The following PLA2G4C variants were observed in gnomAD, a reference collection of about 807,000 sequenced individuals.
The protein encoded by PLA2G4C is cytosolic phospholipase A2 gamma.
Under a neutral mutation model 73.8 loss-of-function variants are expected in PLA2G4C, and 64 were observed. The ratio of observed to expected loss-of-function variants is 0.87; its 90% CI spans 0.71 to 1.07. The LOEUF is 1.07. PLA2G4C is among the 50% of genes least tolerant of loss of function. The pLI, the probability that PLA2G4C is intolerant of heterozygous loss-of-function variation, is 0.00. For missense variants in PLA2G4C, 622 were observed against 665.4 expected, an observed-to-expected ratio of 0.93 and a Z score of 0.72; for synonymous variants, 254 against 252.1, an observed-to-expected ratio of 1.01 and a Z score of -0.07.
chr19:48,067,794 G>C lies in PLA2G4C; in HGVS notation c.1099C>G (p.His367Asp). 6.2e-7 allele frequency: 1 copy of C among 1,602,866 alleles called. No individual in the cohort carries two copies. The highest frequency in any genetic ancestry group is 1.1e-5 in the South Asian group (1 of 90,852). Residue 367 changes from histidine to aspartate, a missense_variant, in exon 13 of 17, where the codon CAC (histidine) becomes GAC (aspartate). Physicochemically the swap from His to Asp is moderately conservative, Grantham distance 81. Coordinates refer to ENST00000599921, the MANE Select transcript of PLA2G4C (RefSeq NM_003706.3). ...WGTTHNFLYK[H>D]GGIRDKIMSS... ...GGTGGGAAGAGGGTCTTCTCACCGT[G>C]TTTGTACAGGAAGTTGTGAGTGGTC... is the stretch of plus-strand genomic sequence containing the variant.
intron 5 of PLA2G4C, among the ~76,000 whole-genome samples, chr19:48,099,338 A>G (rs1357155084): frequency 6.6e-6 from 1 of 152,086 alleles, no homozygotes; most frequent in African/African-American, 2.4e-5. Context: ...ATGGAGAGGA[A>G]AGTTGTCTTG....
At chr19:48,061,967 C>A (rs1321207320) in intron 14 of PLA2G4C, 31 bp downstream of exon 14, 2 of 1,611,102 alleles carry the variant, frequency 1.2e-6, no homozygotes, top group Non-Finnish European at 1.7e-6. Flanking sequence ...ACCTCCCACC[C>A]AGGACCGGCC....
At position 48,092,119 on chromosome 19, in the gene PLA2G4C, C is replaced by T. The variant is rs182418055; in HGVS notation, c.710-1702G>A. Among the ~76,000 whole-genome samples the T allele has an allele frequency of 1.8e-4, 27 of 149,512 alleles. 1 individual carries two copies. Among genetic ancestry groups the T allele is most frequent in the Admixed American group, 1.6e-3 (24 of 15,180 alleles). ...GGCTGGAGCGCAATGGCGCGATCTCCGCTCACTGCAGCTTCCGCCTCTCGA... is the reference window on the plus strand; with the variant it reads ...GGCTGGAGCGCAATGGCGCGATCTCTGCTCACTGCAGCTTCCGCCTCTCGA... On this transcript the variant is annotated intron_variant, in intron 7 of 16. Transcript: ENST00000599921.
At chr19:48,079,710 G>A (rs1005123334) in intron 10 of PLA2G4C, among the ~76,000 whole-genome samples, 1 of 152,170 alleles carries the variant, frequency 6.6e-6, no homozygotes, top group Non-Finnish European at 1.5e-5. Flanking sequence ...GATGGCTCAC[G>A]CCTGTAATCC....
rs138971315 is a variant in PLA2G4C, at chr19:48,064,295, G to C, written c.1103-2143C>G. Among the ~76,000 whole-genome samples the C allele has an allele frequency of 7.1e-3, 1,075 of 152,120 alleles. 12 individuals are homozygous for C. The highest frequency in any genetic ancestry group is 0.025 in the African/African-American group (1,029 of 41,494). On this transcript the variant is annotated intron_variant, in intron 13 of 16. Coordinates refer to ENST00000599921, the MANE Select transcript of PLA2G4C (RefSeq NM_003706.3). ...AACACAAAAATTAGCCAGGCGTGGT[G>C]GCACCTGCCTGTAATCTCAGCTACT...
intron 16 of PLA2G4C, chr19:48,052,389 A>G (rs1227616511): frequency 6.6e-6 from 1 of 152,084 alleles, no homozygotes; most frequent in Non-Finnish European, 1.5e-5. Flanking sequence ...AGTTCTCATG[A>G]AATCCGGTTG....
chr19:48,057,995 G>A (rs1265023421), intron 14 of PLA2G4C, among the ~76,000 whole-genome samples: 1 of 143,452 alleles, frequency 7.0e-6, no homozygotes, highest in Non-Finnish European at 1.6e-5. Flanking sequence ...ACCATGCCCA[G>A]CTAATCAAAA....
chr19:48,061,203 G>A (rs952003889), intron 14 of PLA2G4C, among the ~76,000 whole-genome samples: 33 of 151,468 alleles, frequency 2.2e-4, no homozygotes, highest in African/African-American at 7.5e-4. Flanking sequence ...TGGGAGGATC[G>A]CTTGAGCCCA....
chr19:48,050,459 C>T (rs981643924), intron 16 of PLA2G4C, among the ~76,000 whole-genome samples: 3 of 152,052 alleles, frequency 2.0e-5, no homozygotes, highest in Admixed American at 6.6e-5. Context: ...AGGGACCAAC[C>T]GCACAGGAGC....
chr19:48,049,521 C>G (rs1236482742), intron 16 of PLA2G4C, among the ~76,000 whole-genome samples: 2 of 152,098 alleles, frequency 1.3e-5, no homozygotes, highest in Non-Finnish European at 2.9e-5. Context: ...GAGGTACATT[C>G]TACAAGAGCA....
At chr19:48,067,935 G>T in intron 12 of PLA2G4C, 49 bp from the exon 13 acceptor site, 1 of 1,290,390 alleles carries the variant, frequency 7.7e-7, no homozygotes, top group Non-Finnish European at 1.1e-6. Flanking sequence ...AGACTGAGTG[G>T]TTTCTGCCCC....
Position 48,100,082 on chromosome 19 carries a change from A to G in PLA2G4C, c.258-222T>C, listed in dbSNP as rs576888704. 9 of 465,480 alleles carry G rather than the reference A, an allele frequency of 1.9e-5. No individual in the cohort carries two copies. In the East Asian group the frequency reaches 2.9e-4, roughly 15 times the overall value. The allele number at this position is 465,480 out of a possible 1,614,324, so 28.8% of individuals were successfully genotyped here. ...GGGACAATCCTTCCATTTCACAGGC[A>G]GGAAAATGAGAGCACGATGGGAGAA... On this transcript the variant is annotated intron_variant, in intron 4 of 16. Coordinates refer to ENST00000599921, the MANE Select transcript of PLA2G4C (RefSeq NM_003706.3).
At chr19:48,101,122 ATATATTTT>A (rs1166522052) in intron 4 of PLA2G4C, among the ~76,000 whole-genome samples, 3,244 of 66,414 alleles carry the variant, frequency 0.049, 32 homozygotes, top group African/African-American at 0.074. Flanking sequence ...ATATATATAT[ATATATTTT>A]TTTTTTTTTT....
intron 16 of PLA2G4C, among the ~76,000 whole-genome samples, chr19:48,051,425 T>C (rs1007630063): frequency 1.3e-5 from 2 of 152,216 alleles, no homozygotes; most frequent in African/African-American, 4.8e-5. Context: ...TCAGGAAACT[T>C]ATCAGGTTGG....
intron 7 of PLA2G4C, 105 bp downstream of exon 7, chr19:48,095,359 C>T: frequency 9.4e-7 from 1 of 1,061,112 alleles, no homozygotes; most frequent in Admixed American, 2.1e-5. Context: ...CTTTTCTTTC[C>T]CCCAAGAAAT....
rs756777094 is a variant in PLA2G4C at position 48,061,987 on chromosome 19, T to C, written c.1257+11A>G. On this transcript the variant is annotated intron_variant, in intron 14 of 16. Coordinates refer to ENST00000599921, the MANE Select transcript of PLA2G4C (RefSeq NM_003706.3). ...CCACCCAGGACCGGCCCCAAAGCCC[T>C]TCTCGATTACCTCGAAAGGATCTCC... 6.2e-6 allele frequency: 10 copies of C among 1,613,306 alleles called. No homozygotes were observed. Among genetic ancestry groups the C allele is most frequent in the Non-Finnish European group, 8.5e-6 (10 of 1,179,752 alleles).
chr19:48,105,840 TTCCTTCCA>T (rs2032163155), intron 2 of PLA2G4C, among the ~76,000 whole-genome samples: 3 of 51,374 alleles, frequency 5.8e-5, no homozygotes, highest in Admixed American at 2.8e-4. Flanking sequence ...CCTCCCTCCC[TTCCTTCCA>T]TCCTTCCTTC....
At chr19:48,097,244 C>CG (rs1568449148) in intron 6 of PLA2G4C, 21 of 66,626 alleles carry the variant, frequency 3.2e-4, no homozygotes, top group African/African-American at 1.5e-3. Flanking sequence ...TTACTTTTTT[C>CG]TTTTTTCTTT....
chr19:48,052,237 C>G (rs373402260), intron 16 of PLA2G4C: 1 of 152,176 alleles, frequency 6.6e-6, no homozygotes. Flanking sequence ...TTTCATTTTC[C>G]TTTCACAGAG....
Sources: allele counts gnomAD v4.1 joint callset (sites outside exome capture counted in the v4.1 genomes callset), GRCh38; gene constraint gnomAD v4.1.1; transcripts MANE v1.5; gene names NCBI Gene and HGNC (gene_info 2026-07-23, HGNC 2026-07-21).